The following WNT10A variants were observed in gnomAD, a reference collection of about 807,000 sequenced individuals.
WNT10A encodes the protein Wnt family member 10A, also known as protein Wnt-10a.
WNT10A carries 37 observed loss-of-function variants against 36.1 expected under a neutral mutation model. That is an observed-to-expected ratio of 1.02 (90% confidence interval 0.79 to 1.35). The LOEUF (loss-of-function observed/expected upper bound fraction) is 1.35, where lower values mean the gene tolerates loss of function less well. WNT10A is among the 40% of genes most tolerant of loss of function. The probability of loss-of-function intolerance (pLI) is 0.00; values close to 1 mark genes in which losing one functional copy is unlikely to be tolerated. For missense variants in WNT10A, 613 were observed against 601.4 expected (o/e 1.02, Z -0.20); for synonymous variants, 255 against 254.1 (o/e 1.00, Z -0.03).
chr2:218,890,482 C>G (rs901871328), intron 3 of WNT10A, 119 bp downstream of exon 3: 1 of 1,406,434 alleles, frequency 7.1e-7, no homozygotes, highest in Non-Finnish European at 9.8e-7. Flanking sequence ...TGGCAATCTT[C>G]TCGTTGACCC....
At position 218,882,382 on chromosome 2, in the gene WNT10A, C is replaced by A. The variant is rs1944528974; in HGVS notation, c.335C>A (p.Thr112Asn). 3.1e-6 allele frequency: 5 copies of A among 1,614,052 alleles called. No homozygotes were observed. In the South Asian group the frequency reaches 5.5e-5, roughly 18 times the overall value. ...CGCTGGAACTGCTCAAGCCTGGAGA[C>A]TCGCAACAAGATCCCCTATGAGAGT... ...DQRWNCSSLETRNKIPYESPI... is the reference protein window; with the variant it reads ...DQRWNCSSLENRNKIPYESPI... Residue 112 changes from threonine (T) to asparagine (N), a missense_variant, in exon 2 of 4, where the codon ACT becomes AAT. Coordinates refer to ENST00000258411, the MANE Select transcript of WNT10A (RefSeq NM_025216.3).
In WNT10A at chr2:218,881,710, G is replaced by A. The variant is rs1013624104; in HGVS notation, c.114-451G>A. ...TAAATGGGAGTGTCTTTGTGTGTGT[G>A]TCTGTAACTATGTCTGATGAAGTGT... On this transcript the variant is annotated intron_variant, in intron 1 of 3. Transcript: ENST00000258411. Among the ~76,000 whole-genome samples the A allele has an allele frequency of 5.3e-5, 8 of 152,194 alleles. No individual in the cohort carries two copies. The East Asian group carries it at 5.8e-4, about 11-fold the overall frequency.
At chr2:218,892,306 CACACACA>C (rs1559415741) in intron 3 of WNT10A, among the ~76,000 whole-genome samples, 3 of 546 alleles carry the variant, frequency 5.5e-3, no homozygotes. Flanking sequence ...CACCCCACCA[CACACACA>C]CACACACACA....
Position 218,880,961 on chromosome 2 carries a change from GC to G in WNT10A, c.-29del. On this transcript the variant is annotated 5_prime_UTR_variant, in exon 1 of 4. Transcript: ENST00000258411. The surrounding 1 kb of genome is among the most constrained non-coding windows in gnomAD (Gnocchi z 7.7). ...GCTCTCCAGTCCCACTGGGCTGTGA[GC>G]CCCCCACTCCCAGCCCGTCAGGGCC... 6.5e-7 allele frequency: 1 copy of G among 1,546,940 alleles called. No homozygotes were observed. Among genetic ancestry groups the G allele is most frequent in the Non-Finnish European group, 8.7e-7 (1 of 1,145,760 alleles).
Position 218,891,359 on chromosome 2 carries a change from C to T in WNT10A, c.756+996C>T, listed in dbSNP as rs1006880225. Among the ~76,000 whole-genome samples, 6 of 152,228 alleles carry T rather than the reference C, an allele frequency of 3.9e-5. No homozygotes were observed. The South Asian group carries it at 6.2e-4, about 16-fold the overall frequency. ...CATCCCTTCTTTTGACTCTGCTCAGCCTGTTGAGGCCTTTTACCTGGCTTC... is the reference window on the plus strand; with the variant it reads ...CATCCCTTCTTTTGACTCTGCTCAGTCTGTTGAGGCCTTTTACCTGGCTTC... On this transcript the variant is annotated intron_variant, in intron 3 of 3. Coordinates refer to ENST00000258411, the MANE Select transcript of WNT10A (RefSeq NM_025216.3).
chr2:218,874,501 C>G, the WNT10A span, among the ~76,000 whole-genome samples: 1 of 152,190 alleles, frequency 6.6e-6, no homozygotes, highest in East Asian at 1.9e-4. Flanking sequence ...TGATGCATAC[C>G]TCTTGACACC....
At chr2:218,889,407 T>C (rs1944618937) in intron 2 of WNT10A, among the ~76,000 whole-genome samples, 1 of 152,242 alleles carries the variant, frequency 6.6e-6, no homozygotes, top group Non-Finnish European at 1.5e-5. Flanking sequence ...ATCTTTTTCG[T>C]ATAATGACTT....
At chr2:218,874,907 T>G in the WNT10A span, among the ~76,000 whole-genome samples, 1 of 152,180 alleles carries the variant, frequency 6.6e-6, no homozygotes, top group African/African-American at 2.4e-5. Flanking sequence ...CTCAGGATTT[T>G]TGAGGTCATG....
At chr2:218,883,287 T>C (rs1397578453) in intron 2 of WNT10A, among the ~76,000 whole-genome samples, 4 of 152,106 alleles carry the variant, frequency 2.6e-5, no homozygotes, top group African/African-American at 7.2e-5. Context: ...GTGTGGGACA[T>C]TGTGGGCACC....
chr2:218,875,164 T>C, the WNT10A span, among the ~76,000 whole-genome samples: 3 of 28,566 alleles, frequency 1.1e-4, no homozygotes, highest in Non-Finnish European at 1.6e-4. Context: ...ACTTTCTTTT[T>C]TTTTTTTTTT....
chr2:218,893,284 C>A lies in WNT10A; in HGVS notation c.*13C>A. ...CGTCTGCAAGTGAGCGGCCCGGGGT[C>A]CCCTGGGCCCTGATCGAGGTCCCCT... On this transcript the variant is annotated 3_prime_UTR_variant, in exon 4 of 4. Coordinates refer to ENST00000258411, the MANE Select transcript of WNT10A (RefSeq NM_025216.3). The surrounding 1 kb of genome is among the most constrained non-coding windows in gnomAD (Gnocchi z 6.3). 1.2e-5 allele frequency: 18 copies of A among 1,540,082 alleles called. No individual in the cohort carries two copies. The highest frequency in any genetic ancestry group is 1.6e-5 in the Non-Finnish European group (18 of 1,148,522).
rs780033157 is a variant in WNT10A, at chr2:218,890,070, A to G, written c.463A>G (p.Lys155Glu). ...CAATGCGTGTGCCCTGGGCAAACTGAAGGCCTGTGGCTGTGATGCGTCCCG... is the reference window on the plus strand; with the variant it reads ...CAATGCGTGTGCCCTGGGCAAACTGGAGGCCTGTGGCTGTGATGCGTCCCG... ...VSNACALGKL[K>E]ACGCDASRRG... The change falls in exon 3 of 4, where the codon AAG (lysine) becomes GAG (glutamate). Residue 155 changes from lysine to glutamate, a missense_variant. By Grantham distance (56) the Lys-to-Glu change is moderately conservative. Transcript: ENST00000258411. The G allele has an allele frequency of 1.9e-6, 3 of 1,613,994 alleles. No homozygotes were observed. Among genetic ancestry groups the G allele is most frequent in the African/African-American group, 2.7e-5 (2 of 74,924 alleles).
intron 3 of WNT10A, among the ~76,000 whole-genome samples, chr2:218,892,249 G>A (rs1465603488): frequency 2.0e-5 from 3 of 151,614 alleles, no homozygotes; most frequent in Non-Finnish European, 2.9e-5. Context: ...GGGAAGGACT[G>A]AGAGGGGGAC....
chr2:218,892,802 G>A lies in WNT10A; in HGVS notation c.785G>A (p.Cys262Tyr). The change falls in exon 4 of 4, where the codon TGC (cysteine) becomes TAC (tyrosine). Residue 262 changes from cysteine (C) to tyrosine (Y), a missense_variant. Cys to Tyr is a radical substitution (Grantham distance 194). Transcript: ENST00000258411. ...QAVMENMRRKCKCHGTSGSCQ... is the reference protein window; with the variant it reads ...QAVMENMRRKYKCHGTSGSCQ... ...GTGATGGAGAACATGCGGCGGAAGTGCAAGTGCCACGGCACGTCAGGCAGC... is the reference window on the plus strand; with the variant it reads ...GTGATGGAGAACATGCGGCGGAAGTACAAGTGCCACGGCACGTCAGGCAGC... The A allele has an allele frequency of 6.3e-7, 1 of 1,596,750 alleles. No homozygotes were observed. Among genetic ancestry groups the A allele is most frequent in the Non-Finnish European group, 8.5e-7 (1 of 1,173,046 alleles).
intron 3 of WNT10A, among the ~76,000 whole-genome samples, chr2:218,892,411 A>G (rs1263169390): frequency 2.7e-5 from 4 of 147,058 alleles, no homozygotes; most frequent in African/African-American, 1.0e-4. Flanking sequence ...CCTGGCCCCT[A>G]CCCCAGGGGT....
the WNT10A span, among the ~76,000 whole-genome samples, chr2:218,875,485 C>T: frequency 3.5e-3 from 530 of 152,188 alleles, no homozygotes; most frequent in African/African-American, 0.011. Flanking sequence ...CCACCGCGCC[C>T]GGCCAAAACT....
At position 218,889,972 on chromosome 2, in the gene WNT10A, C is replaced by T. The variant is rs769596697; in HGVS notation, c.377-12C>T. The T allele has an allele frequency of 6.2e-7, 1 of 1,612,172 alleles. No homozygotes were observed. Among genetic ancestry groups the T allele is most frequent in the Non-Finnish European group, 8.5e-7 (1 of 1,180,044 alleles). ...CCTCCAGAGTCCATGTGTTCTGGGT[C>T]TTTAACCACAGGTTTCCGAGAGAGC... On this transcript the variant is annotated splice_polypyrimidine_tract_variant and intron_variant, in intron 2 of 3. Coordinates refer to ENST00000258411, the MANE Select transcript of WNT10A (RefSeq NM_025216.3).
upstream of WNT10A, among the ~76,000 whole-genome samples, chr2:218,879,324 C>T (rs937112056): frequency 1.3e-5 from 2 of 152,236 alleles, no homozygotes; most frequent in Non-Finnish European, 2.9e-5. Flanking sequence ...AGTTTTGTTC[C>T]TAAGCCAGCA....
At chr2:218,881,162 A>G in intron 1 of WNT10A, 54 bp downstream of exon 1, 11 of 1,553,022 alleles carry the variant, frequency 7.1e-6, no homozygotes, top group Non-Finnish European at 8.7e-6. Flanking sequence ...CCCGGCCTGC[A>G]GGGGCCTCTG....
Sources: allele counts gnomAD v4.1 joint callset (sites outside exome capture counted in the v4.1 genomes callset), GRCh38; gene constraint gnomAD v4.1.1; non-coding constraint Gnocchi (gnomAD v3.1); transcripts MANE v1.5; gene names NCBI Gene and HGNC (gene_info 2026-07-23, HGNC 2026-07-21).